The following ZHX2 variants were observed in gnomAD, a reference collection of about 807,000 sequenced individuals.
ZHX2 encodes the protein zinc fingers and homeoboxes protein 2.
A neutral mutation model predicts 21.9 loss-of-function variants in ZHX2; 6 were observed. The observed-to-expected ratio is 0.27, with a 90% CI of 0.15 to 0.54. ZHX2 has a LOEUF of 0.54. Among genes scored for constraint, ZHX2 ranks in the 20% least tolerant of loss-of-function variants. The pLI, the probability that ZHX2 is intolerant of heterozygous loss-of-function variation, is 0.95. For synonymous variants in ZHX2, 434 were observed against 437.1 expected, an observed-to-expected ratio of 0.99 and a Z score of 0.09; for missense variants, 908 against 1,090.7, an observed-to-expected ratio of 0.83 and a Z score of 2.36.
chr8:122,957,653 T>C (rs1750124593), intron 3 of ZHX2, among the ~76,000 whole-genome samples: 1 of 152,126 alleles, frequency 6.6e-6, no homozygotes. Flanking sequence ...TTTTTTTTAG[T>C]AGAGGTGGGG....
At chr8:122,800,758 C>CAGAG (rs112122226) in intron 1 of ZHX2, among the ~76,000 whole-genome samples, 6 of 150,078 alleles carry the variant, frequency 4.0e-5, no homozygotes, top group Non-Finnish European at 7.4e-5. Context: ...AGGCGGGGGG[C>CAGAG]AGAGAGAGAG....
At chr8:122,939,290 C>G (rs559164756) in intron 2 of ZHX2, among the ~76,000 whole-genome samples, 5 of 152,178 alleles carry the variant, frequency 3.3e-5, no homozygotes, top group African/African-American at 4.8e-5. Context: ...AACCAGACCT[C>G]GAAGGCACGT....
At chr8:122,818,412 C>T (rs541317080) in intron 1 of ZHX2, among the ~76,000 whole-genome samples, 1 of 152,204 alleles carries the variant, frequency 6.6e-6, no homozygotes, top group Non-Finnish European at 1.5e-5. Context: ...GTGTTGGACA[C>T]AGCGTAGTCT....
intron 3 of ZHX2, among the ~76,000 whole-genome samples, chr8:122,967,079 A>G (rs1813601938): frequency 6.6e-6 from 1 of 152,122 alleles, no homozygotes; most frequent in Non-Finnish European, 1.5e-5. Context: ...ATGTCTTTAA[A>G]TTGGTTTTCA....
intron 2 of ZHX2, among the ~76,000 whole-genome samples, chr8:122,911,846 C>T (rs1162464829): frequency 6.6e-6 from 1 of 152,148 alleles, no homozygotes; most frequent in Non-Finnish European, 1.5e-5. Context: ...TCAGCTGACT[C>T]CTGAGAGATG....
chr8:122,826,690 G>A (rs1357856015), intron 1 of ZHX2, among the ~76,000 whole-genome samples: 1 of 152,170 alleles, frequency 6.6e-6, no homozygotes, highest in African/African-American at 2.4e-5. Context: ...AAAGGTCTGT[G>A]TGTAAGGGGC....
intron 1 of ZHX2, among the ~76,000 whole-genome samples, chr8:122,838,822 G>A (rs1461456377): frequency 2.0e-5 from 3 of 152,022 alleles, no homozygotes; most frequent in Non-Finnish European, 2.9e-5. Flanking sequence ...TGATCTGCCC[G>A]CCTTGCCCTC....
intron 3 of ZHX2, among the ~76,000 whole-genome samples, chr8:122,961,321 A>G (rs10108984): frequency 0.66 from 100,646 of 152,130 alleles, 34,793 homozygotes; most frequent in African/African-American, 0.88. Context: ...TTACCTCCTT[A>G]AAGGCACTAT....
chr8:122,811,852 C>A (rs1258601488), intron 1 of ZHX2: 1 of 152,212 alleles, frequency 6.6e-6, no homozygotes, highest in Non-Finnish European at 1.5e-5. Context: ...CTTTGTGTAT[C>A]AGTGCTCTTC....
At chr8:122,919,123 C>T (rs1215216508) in intron 2 of ZHX2, among the ~76,000 whole-genome samples, 2 of 152,166 alleles carry the variant, frequency 1.3e-5, no homozygotes, top group Admixed American at 1.3e-4. Flanking sequence ...GCAAGCCTTC[C>T]TCCCCAACCC....
At position 122,794,741 on chromosome 8, in the gene ZHX2, C is replaced by G. The variant is rs187385940; in HGVS notation, c.-283+12795C>G. Among the ~76,000 whole-genome samples the G allele has an allele frequency of 1.9e-3, 290 of 152,252 alleles. 1 individual carries two copies. The highest frequency in any genetic ancestry group is 3.7e-3 in the Non-Finnish European group (253 of 68,018). On this transcript the variant is annotated intron_variant, in intron 1 of 3. Coordinates refer to ENST00000314393, the MANE Select transcript of ZHX2 (RefSeq NM_014943.5). ...AGCCTTCCACCTCTTCCACATACCC[C>G]ACACTTCAGTCATATCAGACTGACC... is the stretch of plus-strand genomic sequence containing the variant.
intron 2 of ZHX2, among the ~76,000 whole-genome samples, chr8:122,903,345 T>A (rs1376825663): frequency 6.6e-6 from 1 of 152,228 alleles, no homozygotes. Context: ...TGCTCCTGTA[T>A]GCTGTGAGAC....
intron 2 of ZHX2, among the ~76,000 whole-genome samples, chr8:122,882,191 CCT>C (rs1819728411): frequency 6.6e-6 from 1 of 152,054 alleles, no homozygotes. Flanking sequence ...TTAATCTCCC[CCT>C]CTTTTTTTGG....
At position 122,953,733 on chromosome 8, in the gene ZHX2, C is replaced by G; in HGVS notation, c.2223C>G (p.Asp741Glu). 1 of 1,614,208 alleles carries G rather than the reference C, an allele frequency of 6.2e-7. No individual in the cohort carries two copies. ...YKDPKKLCEE[D>E]LEKLVTRVKV... ...ACCCCAAAAAGCTCTGCGAAGAGGA[C>G]TTGGAGAAGTTGGTGACCAGGGTAA... The change falls in exon 3 of 4, where the codon GAC becomes GAG. Residue 741 changes from aspartate (D) to glutamate (E), a missense_variant. Physicochemically the swap from Asp to Glu is conservative, Grantham distance 45 (BLOSUM62 2). Around this residue, in one of 4 missense-constraint regions of ZHX2, gnomAD observed 431 missense variants for 428.6 expected, o/e 1.01. Transcript: ENST00000314393. This position sits in a 1 kb window ranked among gnomAD's most constrained non-coding sequence, Gnocchi z 4.6.
intron 1 of ZHX2, among the ~76,000 whole-genome samples, chr8:122,803,979 G>A (rs1418390175): frequency 6.6e-6 from 1 of 152,180 alleles, no homozygotes; most frequent in Non-Finnish European, 1.5e-5. Flanking sequence ...ACGTAGAATA[G>A]TGCCTGGTGC....
rs1813141454 is a variant in ZHX2, at chr8:122,952,270, C to A, written c.760C>A (p.Leu254Ile). Residue 254 changes from leucine (L) to isoleucine (I), a missense_variant, in exon 3 of 4, where the codon CTT (leucine) becomes ATT (isoleucine). This residue lies in a region of ZHX2 where 232 missense variants were observed against 361.8 expected (regional missense o/e 0.64). Transcript: ENST00000314393. The surrounding 1 kb of genome is among the most constrained non-coding windows in gnomAD (Gnocchi z 6.9). ...PSVQLPPNIN[L>I]VPKVPVPLNT... ...TGTACAGCTGCCACCAAATATCAAC[C>A]TTGTGCCCAAGGTCCCTGTCCCACT... 2 of 1,614,132 alleles carry A rather than the reference C, an allele frequency of 1.2e-6. No individual in the cohort carries two copies. Among genetic ancestry groups the A allele is most frequent in the African/African-American group, 2.7e-5 (2 of 75,024 alleles).
intron 2 of ZHX2, among the ~76,000 whole-genome samples, chr8:122,875,129 T>TTTTTTA (rs1819531525): frequency 2.0e-4 from 2 of 10,228 alleles, no homozygotes; most frequent in African/African-American, 7.3e-4. Flanking sequence ...GAAAACTCTG[T>TTTTTTA]TATATATATA....
chr8:122,897,209 C>T (rs549614704), intron 2 of ZHX2, among the ~76,000 whole-genome samples: 5 of 152,264 alleles, frequency 3.3e-5, no homozygotes, highest in African/African-American at 9.6e-5. Flanking sequence ...GTTAAAATTC[C>T]GGTGTCTCAC....
At chr8:122,850,222 C>A (rs549630482) in intron 1 of ZHX2, among the ~76,000 whole-genome samples, 7 of 152,298 alleles carry the variant, frequency 4.6e-5, no homozygotes, top group African/African-American at 1.2e-4. Flanking sequence ...TCGCACCCCC[C>A]CTCAGGTGCC....
Sources: gnomAD v4.1 joint callset for allele counts (sites outside exome capture counted in the v4.1 genomes callset) on GRCh38, gnomAD v4.1.1 for gene constraint, gnomAD v4.1.1 regional missense constraint, Gnocchi (gnomAD v3.1) non-coding constraint, MANE v1.5 for transcripts, NCBI Gene and HGNC (gene_info 2026-07-23, HGNC 2026-07-21) for gene names.